The following KCTD5 variants were observed in gnomAD, a reference collection of about 807,000 sequenced individuals.
KCTD5 encodes the protein BTB/POZ domain-containing protein KCTD5.
In KCTD5, 12 loss-of-function variants were observed where a neutral mutation model predicts 27.9. The observed-to-expected ratio is 0.43, with a 90% CI of 0.28 to 0.70. The LOEUF (loss-of-function observed/expected upper bound fraction) is 0.70, where lower values mean the gene tolerates loss of function less well. Ranked by LOEUF, KCTD5 falls within the 30% of genes least tolerant of loss-of-function variation. The pLI is 0.19. For missense variants in KCTD5, 226 were observed against 274.8 expected, an observed-to-expected ratio of 0.82 and a Z score of 1.26; for synonymous variants, 147 against 121.4, an observed-to-expected ratio of 1.21 and a Z score of -1.39.
intron 1 of KCTD5, among the ~76,000 whole-genome samples, chr16:2,693,551 C>T (rs1395237253): frequency 6.6e-6 from 1 of 152,230 alleles, no homozygotes; most frequent in Non-Finnish European, 1.5e-5. Flanking sequence ...GCTCCTTGGA[C>T]CTGTCTGTGT....
At chr16:2,689,534 G>A (rs1050768021) in intron 1 of KCTD5, among the ~76,000 whole-genome samples, 2 of 130,434 alleles carry the variant, frequency 1.5e-5, no homozygotes, top group Admixed American at 8.0e-5. Flanking sequence ...TCCGAGCACC[G>A]GGAATGACTG....
chr16:2,702,442 G>A lies in KCTD5; in HGVS notation c.639G>A (p.Pro213=), dbSNP rs561409300. 32 of 1,613,322 alleles carry A rather than the reference G, an allele frequency of 2.0e-5. No individual in the cohort carries two copies. The highest frequency in any genetic ancestry group is 3.3e-5 in the South Asian group (3 of 91,084). The change falls in exon 5 of 6, where the codon CCG becomes CCA. Residue 213 remains proline, a synonymous_variant. Transcript: ENST00000301738. ...TGTCCAAGGAGCTGCACAACACCCC[G>A]TACGGTACGGCCAGCGAGCCCAGCG... ...CVVSKELHNT[P]YGTASEPSEK...
At chr16:2,688,326 C>T (rs2067551386) in intron 1 of KCTD5, among the ~76,000 whole-genome samples, 1 of 151,388 alleles carries the variant, frequency 6.6e-6, no homozygotes, top group African/African-American at 2.4e-5. Context: ...TCTCGGCTCA[C>T]TGCAACCTCT....
At chr16:2,694,030 G>A (rs35317991) in intron 1 of KCTD5, among the ~76,000 whole-genome samples, 53,487 of 130,296 alleles carry the variant, frequency 0.41, 10,147 homozygotes, top group Middle Eastern at 0.53. Context: ...GCAGTGAGCC[G>A]TGAATAATTC....
At chr16:2,703,119 G>A (rs4786319) in intron 5 of KCTD5, among the ~76,000 whole-genome samples, 1 of 152,206 alleles carries the variant, frequency 6.6e-6, no homozygotes, top group South Asian at 2.1e-4. Context: ...GTGAAATGCA[G>A]GGACCCCTGC....
At chr16:2,701,213 A>C (rs931100849) in intron 4 of KCTD5, among the ~76,000 whole-genome samples, 1 of 152,170 alleles carries the variant, frequency 6.6e-6, no homozygotes, top group Admixed American at 6.5e-5. Context: ...TTCTGGGTGG[A>C]TTCCAAACCC....
rs2067615546 is a variant in KCTD5 at position 2,702,274 on chromosome 16, G to A, written c.550-79G>A. 32 of 1,577,960 alleles carry A rather than the reference G, an allele frequency of 2.0e-5. No individual in the cohort carries two copies. The South Asian group carries it at 2.8e-4, about 14-fold the overall frequency. On this transcript the variant is annotated intron_variant, in intron 4 of 5. Coordinates refer to ENST00000301738, the MANE Select transcript of KCTD5 (RefSeq NM_018992.4). ...CTGTGGCTTTCGCGGTGGCAGGCGC[G>A]TCCTGAGGCTGGTCATGTCAGCCTG...
At chr16:2,706,487 C>G (rs2067636592) in intron 5 of KCTD5, among the ~76,000 whole-genome samples, 2 of 152,214 alleles carry the variant, frequency 1.3e-5, no homozygotes, top group African/African-American at 4.8e-5. Flanking sequence ...TCCCCTCCAC[C>G]TGGTCTCTGG....
At chr16:2,698,523 G>C (rs568527008) in intron 3 of KCTD5, among the ~76,000 whole-genome samples, 171 of 152,344 alleles carry the variant, frequency 1.1e-3, no homozygotes, top group Non-Finnish European at 1.9e-3. Flanking sequence ...GGTGGGCTCT[G>C]CCCAGTACCT....
At chr16:2,706,032 C>T (rs1215523817) in intron 5 of KCTD5, among the ~76,000 whole-genome samples, 1 of 152,188 alleles carries the variant, frequency 6.6e-6, no homozygotes, top group African/African-American at 2.4e-5. Flanking sequence ...CCAGACATCC[C>T]AGTAAACTTG....
At chr16:2,699,213 C>T (rs1191983301) in intron 3 of KCTD5, 2 of 456,064 alleles carry the variant, frequency 4.4e-6, no homozygotes, top group African/African-American at 4.0e-5. Context: ...GGCCACCCCG[C>T]CCACTGGGGA....
intron 4 of KCTD5, 107 bp downstream of exon 4, chr16:2,700,023 C>T: frequency 9.7e-7 from 1 of 1,032,214 alleles, no homozygotes; most frequent in Non-Finnish European, 1.5e-6. Flanking sequence ...CTGCTGGCGT[C>T]TTCCTGCAGT....
intron 1 of KCTD5, among the ~76,000 whole-genome samples, chr16:2,690,713 C>T (rs2067562641): frequency 1.3e-5 from 2 of 152,246 alleles, no homozygotes; most frequent in Non-Finnish European, 2.9e-5. Context: ...GGCATCTTTC[C>T]TTCCTCGTGT....
intron 1 of KCTD5, among the ~76,000 whole-genome samples, chr16:2,688,227 A>AAATATAT (rs1555454255): frequency 1.2e-5 from 1 of 80,400 alleles, no homozygotes; most frequent in Non-Finnish European, 2.7e-5. Context: ...ATAAATAAAT[A>AAATATAT]AATATATATA....
In KCTD5 at chr16:2,683,415, T is replaced by A. The variant is rs2067527290; in HGVS notation, c.252+615T>A. On this transcript the variant is annotated intron_variant, in intron 1 of 5. Transcript: ENST00000301738. ...TTTTTCGAAGGGGATTTTGCTCATA[T>A]TAAGGGTTGCTTTAGGGATGTCCAG... 5 of 152,238 alleles carry A rather than the reference T, an allele frequency of 3.3e-5. 1 individual carries two copies. In the South Asian group the frequency reaches 1.0e-3, roughly 31 times the overall value. 9.4% of individuals were successfully genotyped at this position (152,238 alleles called of 1,614,324 possible). A position where few individuals can be genotyped will look rare whatever the true frequency, so the allele number is the denominator to read the frequency against.
At chr16:2,703,092 C>T (rs1187519967) in intron 5 of KCTD5, among the ~76,000 whole-genome samples, 4 of 152,302 alleles carry the variant, frequency 2.6e-5, no homozygotes, top group East Asian at 3.9e-4. Context: ...CTGTTTTCTG[C>T]GGGGCAGGCA....
At chr16:2,704,269 G>A (rs1596226251) in intron 5 of KCTD5, among the ~76,000 whole-genome samples, 1 of 152,244 alleles carries the variant, frequency 6.6e-6, no homozygotes, top group Non-Finnish European at 1.5e-5. Context: ...GGGGGCCAGA[G>A]CTGGAGGACC....
intron 1 of KCTD5, among the ~76,000 whole-genome samples, chr16:2,688,435 G>A (rs1023446439): frequency 6.6e-6 from 1 of 151,874 alleles, no homozygotes; most frequent in African/African-American, 2.4e-5. Flanking sequence ...ATAGTCAGTA[G>A]AGAAGGGGTT....
At chr16:2,687,643 G>A (rs751207690) in intron 1 of KCTD5, among the ~76,000 whole-genome samples, 11 of 152,242 alleles carry the variant, frequency 7.2e-5, no homozygotes, top group Non-Finnish European at 1.5e-4. Flanking sequence ...CGTGATGGGG[G>A]CGCCTGCTGC....
Sources: allele counts gnomAD v4.1 joint callset (sites outside exome capture counted in the v4.1 genomes callset), GRCh38; gene constraint gnomAD v4.1.1; transcripts MANE v1.5; gene names NCBI Gene and HGNC (gene_info 2026-07-23, HGNC 2026-07-21).